The following KANSL1 variants were observed in gnomAD, a reference collection of about 807,000 sequenced individuals.
KANSL1 encodes MLL1/MLL complex subunit KANSL1.
KANSL1 carries 22 observed loss-of-function variants against 103.6 expected under a neutral mutation model. The observed-to-expected ratio is 0.21, with a 90% CI of 0.15 to 0.30. The LOEUF (loss-of-function observed/expected upper bound fraction) is 0.30, where lower values mean the gene tolerates loss of function less well. Ranked by LOEUF, KANSL1 falls within the 10% of genes least tolerant of loss-of-function variation. The pLI, the probability that KANSL1 is intolerant of heterozygous loss-of-function variation, is 1.00. For missense variants in KANSL1, 1,337 were observed against 1,399.8 expected (o/e 0.96, Z 0.72); for synonymous variants, 600 against 527.6 (o/e 1.14, Z -1.88).
Position 46,172,111 on chromosome 17 carries a change from T to C in KANSL1, c.33A>G (p.Ala11=), listed in dbSNP as rs769676607. The change falls in exon 2 of 15, where the codon GCA becomes GCG. Residue 11 remains alanine, a synonymous_variant. Transcript: ENST00000432791. ...ACCGGATATGGTGTGCTTCAGCTGC[T>C]GCGTCAGTGAGAGCGGGCGCCATCG... The part of the protein sequence containing the change: MAAMAPALTD[A]AAEAHHIRFK... 12 of 1,610,054 alleles carry C rather than the reference T, an allele frequency of 7.5e-6. No individual in the cohort carries two copies. In the Admixed American group the frequency reaches 8.3e-5, roughly 11 times the overall value.
intron 3 of KANSL1, among the ~76,000 whole-genome samples, chr17:46,088,929 A>G (rs2079268329): frequency 6.6e-6 from 1 of 152,180 alleles, no homozygotes; most frequent in Admixed American, 6.5e-5. Flanking sequence ...CTCATTTACC[A>G]GGTGTGAAAT....
At chr17:46,089,419 C>T (rs1376487478) in intron 3 of KANSL1, among the ~76,000 whole-genome samples, 3 of 148,236 alleles carry the variant, frequency 2.0e-5, no homozygotes, top group Non-Finnish European at 4.5e-5. Flanking sequence ...TTTGGTAATA[C>T]GCCACTTAAA....
At chr17:46,178,745 T>C (rs997153915) in intron 1 of KANSL1, among the ~76,000 whole-genome samples, 21 of 152,244 alleles carry the variant, frequency 1.4e-4, no homozygotes, top group Admixed American at 1.2e-3. Context: ...CACAACGTAT[T>C]GCATCATACT....
At chr17:46,181,778 C>A (rs1032037998) in intron 1 of KANSL1, among the ~76,000 whole-genome samples, 10 of 152,180 alleles carry the variant, frequency 6.6e-5, no homozygotes, top group Admixed American at 2.0e-4. Context: ...TGAAACTTAA[C>A]GTCAGGGCAA....
chr17:46,210,313 A>C (rs2048114026), intron 1 of KANSL1, among the ~76,000 whole-genome samples: 1 of 152,030 alleles, frequency 6.6e-6, no homozygotes, highest in South Asian at 2.1e-4. Flanking sequence ...ACTCTACTAA[A>C]AATACAAAAA....
At chr17:46,155,130 C>T (rs1361240730) in intron 2 of KANSL1, among the ~76,000 whole-genome samples, 2 of 151,492 alleles carry the variant, frequency 1.3e-5, no homozygotes, top group Admixed American at 6.6e-5. Context: ...ACAGGAGGCC[C>T]TAATCCAATA....
rs1245766208 is a variant in KANSL1 at position 46,031,387 on chromosome 17, C to T, written c.*89G>A. 5.0e-6 allele frequency: 6 copies of T among 1,207,964 alleles called. No homozygotes were observed. The highest frequency in any genetic ancestry group is 5.7e-6 in the Non-Finnish European group (5 of 879,452). The allele number at this position is 1,207,964 out of a possible 1,614,324, so 74.8% of individuals were successfully genotyped here. A position where few individuals can be genotyped will look rare whatever the true frequency, so the allele number is the denominator to read the frequency against. On this transcript the variant is annotated 3_prime_UTR_variant, in exon 15 of 15. Coordinates refer to ENST00000432791, the MANE Select transcript of KANSL1 (RefSeq NM_015443.4). The stretch of plus-strand genomic sequence containing the variant: ...GTTCACTAAAAACTGTGAAAATTTC[C>T]GGCATATGATGTTTGAATATCAAAC...
At chr17:46,143,351 A>G (rs1420107848) in intron 2 of KANSL1, among the ~76,000 whole-genome samples, 1 of 152,122 alleles carries the variant, frequency 6.6e-6, no homozygotes, top group Non-Finnish European at 1.5e-5. Flanking sequence ...AAAATTAGCC[A>G]GGTGTGGTGG....
intron 1 of KANSL1, among the ~76,000 whole-genome samples, chr17:46,209,876 C>T (rs2048101063): frequency 6.6e-6 from 1 of 152,168 alleles, no homozygotes; most frequent in African/African-American, 2.4e-5. Flanking sequence ...ATATGAGTGA[C>T]CTTCTCTAAA....
chr17:46,032,594 G>GA (rs1428331377), intron 13 of KANSL1: 7 of 388,392 alleles, frequency 1.8e-5, no homozygotes, highest in South Asian at 1.1e-4. Flanking sequence ...TGTAGTCAAA[G>GA]AAAAAAAAGT....
At position 46,094,554 on chromosome 17, in the gene KANSL1, C is replaced by T. The variant is rs748090445; in HGVS notation, c.1431+6G>A. 1.2e-6 allele frequency: 2 copies of T among 1,610,288 alleles called. No individual in the cohort carries two copies. The highest frequency in any genetic ancestry group is 1.7e-6 in the Non-Finnish European group (2 of 1,179,214). On this transcript the variant is annotated splice_donor_region_variant and intron_variant, in intron 3 of 14. Transcript: ENST00000432791. ...CATTTAAAAACATCAGATACTTATC[C>T]CTTACCTTATTAGCACGTATCTGTT... is the stretch of plus-strand genomic sequence containing the variant.
At chr17:46,189,422 T>C (rs1489733718) in intron 1 of KANSL1, among the ~76,000 whole-genome samples, 1 of 152,114 alleles carries the variant, frequency 6.6e-6, no homozygotes, top group African/African-American at 2.4e-5. Flanking sequence ...AAGTCGCTTA[T>C]TTCTGTGTCT....
At chr17:46,036,072 A>G (rs2077141159) in intron 10 of KANSL1, 1 of 151,614 alleles carries the variant, frequency 6.6e-6, no homozygotes, top group African/African-American at 2.4e-5. Flanking sequence ...CTCTTTTATA[A>G]AATCAGAATT....
intron 2 of KANSL1, among the ~76,000 whole-genome samples, chr17:46,143,698 G>T (rs1027476712): frequency 6.7e-6 from 1 of 149,790 alleles, no homozygotes; most frequent in African/African-American, 2.5e-5. Flanking sequence ...CAGCTACTCA[G>T]GAGGCTGAGG....
chr17:46,123,979 A>C (rs1260500533), intron 2 of KANSL1, among the ~76,000 whole-genome samples: 1 of 148,850 alleles, frequency 6.7e-6, no homozygotes, highest in Non-Finnish European at 1.5e-5. Flanking sequence ...GTCTTCAAAG[A>C]GAGGAGAATG....
At chr17:46,038,209 A>T in intron 10 of KANSL1, 1 of 280,372 alleles carries the variant, frequency 3.6e-6, no homozygotes, top group Non-Finnish European at 6.7e-6. Flanking sequence ...AGGGCCACGG[A>T]ACTGTTGAGT....
At chr17:46,136,947 C>T (rs922011234) in intron 2 of KANSL1, among the ~76,000 whole-genome samples, 1 of 152,228 alleles carries the variant, frequency 6.6e-6, no homozygotes, top group African/African-American at 2.4e-5. Flanking sequence ...CTGAATCCCA[C>T]AAACAGCAGC....
At chr17:46,164,136 TTTAC>T (rs2045883593) in intron 2 of KANSL1, among the ~76,000 whole-genome samples, 3 of 152,282 alleles carry the variant, frequency 2.0e-5, no homozygotes, top group African/African-American at 7.2e-5. Context: ...GTCTTACACA[TTTAC>T]TTACTCCATA....
intron 1 of KANSL1, among the ~76,000 whole-genome samples, chr17:46,187,201 C>G (rs545990544): frequency 2.6e-5 from 4 of 152,324 alleles, no homozygotes; most frequent in Non-Finnish European, 4.4e-5. Context: ...GAGTTCTTAG[C>G]AATTTTTGGT....
Sources: allele counts gnomAD v4.1 joint callset (sites outside exome capture counted in the v4.1 genomes callset), GRCh38; gene constraint gnomAD v4.1.1; transcripts MANE v1.5; gene names NCBI Gene and HGNC (gene_info 2026-07-23, HGNC 2026-07-21).